EFHC2: variants seen among roughly 807,000 people sequenced by gnomAD.
EFHC2 encodes the protein EF-hand domain containing 2, also known as EF-hand domain-containing family member C2.
Under a neutral mutation model 52.7 loss-of-function variants are expected in EFHC2, and 18 were observed. That is an observed-to-expected ratio of 0.34 (90% CI 0.24 to 0.51). The LOEUF is 0.51. Ranked by LOEUF, EFHC2 falls within the 20% of genes least tolerant of loss-of-function variation. The pLI is 0.97. For synonymous variants in EFHC2, 203 were observed against 204.1 expected, an observed-to-expected ratio of 0.99 and a Z score of 0.04; for missense variants, 513 against 562.5, an observed-to-expected ratio of 0.91 and a Z score of 0.89.
At chrX:44,278,739 A>G (rs1159146160) in intron 2 of EFHC2, among the ~76,000 whole-genome samples, 1 of 111,637 alleles carries the variant, frequency 9.0e-6, no homozygotes, top group African/African-American at 3.3e-5. Context: ...AAATCTTGCT[A>G]TTATAAGTTC....
intron 2 of EFHC2, among the ~76,000 whole-genome samples, chrX:44,286,862 AAAAACAAC>A (rs1410235523): frequency 9.7e-6 from 1 of 102,634 alleles, no homozygotes. Flanking sequence ...AAAAAAAAAT[AAAAACAAC>A]AAAACAACAG....
In EFHC2 at chrX:44,186,094, T is replaced by C. The variant is rs180887317; in HGVS notation, c.1752-7530A>G. Among the ~76,000 whole-genome samples, 4 of 111,632 alleles carry C rather than the reference T, an allele frequency of 3.6e-5. No individual in the cohort carries two copies. The East Asian group carries it at 1.1e-3, about 31-fold the overall frequency. ...GTTTTGACATGTAGTGGAATGTACA[T>C]GGTAATTTTAATTTATTTAGTTTGA... On this transcript the variant is annotated intron_variant, in intron 11 of 14. Transcript: ENST00000420999.
At chrX:44,298,860 C>CA (rs34701706) in intron 2 of EFHC2, among the ~76,000 whole-genome samples, 1,334 of 21,318 alleles carry the variant, frequency 0.063, 9 homozygotes, top group Non-Finnish European at 0.1. Flanking sequence ...GACTCTGTCT[C>CA]AAAAAAAAAA....
intron 11 of EFHC2, among the ~76,000 whole-genome samples, chrX:44,181,141 G>A (rs1370435136): frequency 9.0e-6 from 1 of 111,208 alleles, no homozygotes; most frequent in East Asian, 2.8e-4. Flanking sequence ...TGGTAGGATA[G>A]ATGTCCATGC....
intron 2 of EFHC2, among the ~76,000 whole-genome samples, chrX:44,290,101 A>C (rs2037782407): frequency 8.9e-6 from 1 of 112,123 alleles, no homozygotes; most frequent in Non-Finnish European, 1.9e-5. Context: ...AATTGTCTGC[A>C]TGTTAGAGCT....
chrX:44,283,757 C>T (rs1372872548), intron 2 of EFHC2, among the ~76,000 whole-genome samples: 6 of 106,325 alleles, frequency 5.6e-5, no homozygotes, highest in African/African-American at 2.1e-4. Context: ...GAGTACGTTC[C>T]GGGCTCGGAC....
intron 1 of EFHC2, among the ~76,000 whole-genome samples, chrX:44,315,934 T>C (rs1309079463): frequency 9.0e-6 from 1 of 111,529 alleles, no homozygotes; most frequent in African/African-American, 3.3e-5. Flanking sequence ...CTTAAAAGTC[T>C]CCCTCATCAG....
At chrX:44,228,464 G>T (rs770140764) in intron 11 of EFHC2, among the ~76,000 whole-genome samples, 1 of 112,042 alleles carries the variant, frequency 8.9e-6, no homozygotes, top group South Asian at 3.8e-4. Context: ...TTAGCCCATG[G>T]CCTGTGTAAT....
chrX:44,313,027 CAA>C (rs1458328377), intron 1 of EFHC2, among the ~76,000 whole-genome samples: 1 of 95,704 alleles, frequency 1.0e-5, no homozygotes, highest in African/African-American at 4.0e-5. Flanking sequence ...ACTGTTACTG[CAA>C]GTAAATATTT....
chrX:44,332,177 C>T (rs1011703765), intron 1 of EFHC2, among the ~76,000 whole-genome samples: 3 of 111,137 alleles, frequency 2.7e-5, no homozygotes, highest in African/African-American at 9.8e-5. Flanking sequence ...AAACTCTAAC[C>T]GAAATGATAT....
At chrX:44,280,816 T>C (rs1031158828) in intron 2 of EFHC2, among the ~76,000 whole-genome samples, 1 of 112,556 alleles carries the variant, frequency 8.9e-6, no homozygotes, top group Non-Finnish European at 1.9e-5. Context: ...AGAAGATATA[T>C]TAATAGAAGA....
At chrX:44,209,003 T>G (rs1414339746) in intron 11 of EFHC2, among the ~76,000 whole-genome samples, 1 of 103,752 alleles carries the variant, frequency 9.6e-6, no homozygotes, top group Admixed American at 1.1e-4. Flanking sequence ...TGCATGATAC[T>G]GGGTTGATTG....
chrX:44,320,839 C>A (rs1294663441), intron 1 of EFHC2, among the ~76,000 whole-genome samples: 1 of 110,384 alleles, frequency 9.1e-6, no homozygotes, highest in Admixed American at 9.8e-5. Context: ...ACAACCTCCC[C>A]TGTTAGGCCT....
At chrX:44,255,392 AG>A (rs889012291) in intron 4 of EFHC2, among the ~76,000 whole-genome samples, 1 of 111,873 alleles carries the variant, frequency 8.9e-6, no homozygotes, top group Non-Finnish European at 1.9e-5. Flanking sequence ...TCACATGCAA[AG>A]ACACACATAA....
intron 2 of EFHC2, among the ~76,000 whole-genome samples, chrX:44,288,491 G>A (rs765459858): frequency 1.8e-5 from 2 of 110,074 alleles, no homozygotes; most frequent in South Asian, 7.6e-4. Context: ...ACTAACATTT[G>A]GAGTAGCTCT....
At chrX:44,162,056 T>C (rs997125310) in intron 14 of EFHC2, among the ~76,000 whole-genome samples, 1 of 111,652 alleles carries the variant, frequency 9.0e-6, no homozygotes, top group Admixed American at 9.5e-5. Context: ...AGCTAGGTGA[T>C]TTTGAGATCT....
At chrX:44,217,143 A>T (rs1319414293) in intron 11 of EFHC2, among the ~76,000 whole-genome samples, 1 of 112,180 alleles carries the variant, frequency 8.9e-6, no homozygotes, top group Non-Finnish European at 1.9e-5. Context: ...TGATCATCAG[A>T]TAAATGCAAA....
At chrX:44,280,009 A>G in intron 2 of EFHC2, among the ~76,000 whole-genome samples, 1 of 95,037 alleles carries the variant, frequency 1.1e-5, no homozygotes, top group Admixed American at 1.2e-4. Flanking sequence ...AACCCCCGCC[A>G]CAGACATCCA....
intron 2 of EFHC2, among the ~76,000 whole-genome samples, chrX:44,299,017 G>A (rs1398041753): frequency 2.7e-5 from 3 of 110,604 alleles, no homozygotes; most frequent in African/African-American, 9.9e-5. Flanking sequence ...TCCTGAACAT[G>A]GTGGTGGTTA....
Sources: allele counts gnomAD v4.1 joint callset (sites outside exome capture counted in the v4.1 genomes callset), GRCh38; gene constraint gnomAD v4.1.1; transcripts MANE v1.5; gene names NCBI Gene and HGNC (gene_info 2026-07-23, HGNC 2026-07-21).